TTC17: variants seen among roughly 807,000 people sequenced by gnomAD.
The protein encoded by TTC17 is tetratricopeptide repeat protein 17.
TTC17 carries 58 observed loss-of-function variants against 143.8 expected under a neutral mutation model. The observed-to-expected ratio is 0.40, with a 90% CI of 0.33 to 0.50. The LOEUF is 0.50. TTC17 is among the 20% of genes least tolerant of loss of function. The pLI, the probability that TTC17 is intolerant of heterozygous loss-of-function variation, is 0.49. For synonymous variants in TTC17, 501 were observed against 497.8 expected (o/e 1.01, Z -0.09); for missense variants, 1,273 against 1,392.5 (o/e 0.91, Z 1.37).
At chr11:43,397,180 T>A in intron 6 of TTC17, 167 bp from the exon 7 acceptor site, 2 of 688,734 alleles carry the variant, frequency 2.9e-6, no homozygotes, top group Non-Finnish European at 4.5e-6. Context: ...AGTGACAAAA[T>A]TTGTAGCTAT....
intron 16 of TTC17, among the ~76,000 whole-genome samples, chr11:43,430,229 A>G (rs1024065779): frequency 6.6e-6 from 1 of 152,148 alleles, no homozygotes; most frequent in Non-Finnish European, 1.5e-5. Context: ...GCAGTTTGAG[A>G]CCAGCTTGGG....
intron 16 of TTC17, among the ~76,000 whole-genome samples, chr11:43,419,854 C>T (rs1298311295): frequency 1.3e-5 from 2 of 152,134 alleles, no homozygotes; most frequent in African/African-American, 2.4e-5. Flanking sequence ...CTGCACCTGA[C>T]TCTTAAACAG....
chr11:43,423,930 A>G (rs555716217), intron 16 of TTC17, among the ~76,000 whole-genome samples: 2 of 152,284 alleles, frequency 1.3e-5, no homozygotes, highest in South Asian at 2.1e-4. Context: ...AAATTTTAGA[A>G]TAATGAAAGT....
intron 21 of TTC17, among the ~76,000 whole-genome samples, chr11:43,479,713 CGTT>C (rs756576690): frequency 1.9e-4 from 29 of 152,152 alleles, no homozygotes; most frequent in Non-Finnish European, 3.2e-4. Context: ...GAATTGATGA[CGTT>C]GTAGAGGGCT....
At chr11:43,433,679 A>G (rs1280591958) in intron 16 of TTC17, among the ~76,000 whole-genome samples, 1 of 152,176 alleles carries the variant, frequency 6.6e-6, no homozygotes, top group Non-Finnish European at 1.5e-5. Flanking sequence ...GACCAATTAA[A>G]TTTTTACTGT....
intron 1 of TTC17, among the ~76,000 whole-genome samples, chr11:43,360,598 C>T (rs1856061784): frequency 1.3e-5 from 2 of 152,180 alleles, no homozygotes. Context: ...ACTTCTCCTT[C>T]CCATTTTGGT....
At chr11:43,464,655 C>G (rs1369407209) in intron 21 of TTC17, among the ~76,000 whole-genome samples, 1 of 150,934 alleles carries the variant, frequency 6.6e-6, no homozygotes, top group Admixed American at 6.6e-5. Flanking sequence ...CTAGATGCAG[C>G]AGAAAAGAAA....
At chr11:43,399,798 C>G in intron 8 of TTC17, 90 bp from the exon 9 acceptor site, 1 of 1,350,178 alleles carries the variant, frequency 7.4e-7, no homozygotes, top group Non-Finnish European at 1.0e-6. Flanking sequence ...GTAATTGTTG[C>G]TGAGAACCAG....
chr11:43,434,926 C>A (rs1298592359), intron 16 of TTC17, among the ~76,000 whole-genome samples: 1 of 152,192 alleles, frequency 6.6e-6, no homozygotes, highest in Non-Finnish European at 1.5e-5. Flanking sequence ...GAGTCCATTA[C>A]ATTTTCTTGG....
chr11:43,442,971 AATAAC>A (rs1454593847), intron 16 of TTC17, among the ~76,000 whole-genome samples: 1 of 152,288 alleles, frequency 6.6e-6, no homozygotes, highest in East Asian at 1.9e-4. Context: ...CCATATATTA[AATAAC>A]ATAATAAGCT....
intron 16 of TTC17, among the ~76,000 whole-genome samples, chr11:43,425,098 T>C (rs993136658): frequency 3.9e-5 from 6 of 152,174 alleles, no homozygotes; most frequent in African/African-American, 1.4e-4. Context: ...ACATTTCAGT[T>C]TATGTAATGT....
At chr11:43,456,094 A>G (rs1947757164) in intron 21 of TTC17, among the ~76,000 whole-genome samples, 1 of 152,152 alleles carries the variant, frequency 6.6e-6, no homozygotes. Context: ...TCATATAATT[A>G]TATCCAGACT....
At position 43,358,935 on chromosome 11, in the gene TTC17, G is replaced by A. The variant is rs1855970637; in HGVS notation, c.-20G>A. On this transcript the variant is annotated 5_prime_UTR_variant, in exon 1 of 24. Coordinates refer to ENST00000039989, the MANE Select transcript of TTC17 (RefSeq NM_018259.6). Reference sequence around the variant, plus strand: ...ACTAGCTTCCGCTTCCGGTGTGAGCGGCCCGGCCGGGGGGGCAAGATGGCG... The same window carrying A: ...ACTAGCTTCCGCTTCCGGTGTGAGCAGCCCGGCCGGGGGGGCAAGATGGCG... 4 of 1,560,280 alleles carry A rather than the reference G, an allele frequency of 2.6e-6. No homozygotes were observed. The highest frequency in any genetic ancestry group is 1.2e-5 in the South Asian group (1 of 85,266).
At chr11:43,432,803 G>A (rs920178941) in intron 16 of TTC17, among the ~76,000 whole-genome samples, 2 of 152,078 alleles carry the variant, frequency 1.3e-5, no homozygotes, top group Non-Finnish European at 1.5e-5. Context: ...GTTCCCCTTT[G>A]AGCTGGAGCA....
intron 3 of TTC17, chr11:43,390,233 C>T (rs1159504809): frequency 1.3e-5 from 2 of 153,328 alleles, no homozygotes; most frequent in Non-Finnish European, 2.9e-5. Context: ...ATCACTTGAG[C>T]CCAAGAATTC....
In TTC17 at chr11:43,448,117, C is replaced by T; in HGVS notation, c.2781C>T (p.Asn927=). The change falls in exon 19 of 24, where the codon AAC becomes AAT. Residue 927 remains asparagine, a synonymous_variant. Coordinates refer to ENST00000039989, the MANE Select transcript of TTC17 (RefSeq NM_018259.6). ...VSTWLAVSSK[N]IDITEHIDFA... The stretch of plus-strand genomic sequence containing the variant: ...CCTGGCTTGCAGTTTCTTCAAAAAA[C>T]ATTGAGTAAGTATGTTAAGCCTCTC... The T allele has an allele frequency of 6.2e-7, 1 of 1,614,028 alleles. No homozygotes were observed. Among genetic ancestry groups the T allele is most frequent in the Non-Finnish European group, 8.5e-7 (1 of 1,179,952 alleles).
At chr11:43,469,999 T>G (rs574276577) in intron 21 of TTC17, among the ~76,000 whole-genome samples, 1 of 152,236 alleles carries the variant, frequency 6.6e-6, no homozygotes, top group African/African-American at 2.4e-5. Flanking sequence ...AAAGGGTAAA[T>G]GTTCGAGGAG....
At chr11:43,388,844 T>C (rs1436212490) in intron 2 of TTC17, among the ~76,000 whole-genome samples, 1 of 150,386 alleles carries the variant, frequency 6.6e-6, no homozygotes, top group Non-Finnish European at 1.5e-5. Context: ...GACATGGTGG[T>C]GTGCACCTGT....
intron 20 of TTC17, among the ~76,000 whole-genome samples, chr11:43,450,497 A>G (rs1407653315): frequency 1.3e-5 from 2 of 152,176 alleles, no homozygotes; most frequent in Admixed American, 6.5e-5. Flanking sequence ...CTGCCTTGCC[A>G]TCAAATACCA....
Sources: gnomAD v4.1 joint callset for allele counts (sites outside exome capture counted in the v4.1 genomes callset) on GRCh38, gnomAD v4.1.1 for gene constraint, MANE v1.5 for transcripts, NCBI Gene and HGNC (gene_info 2026-07-23, HGNC 2026-07-21) for gene names.